SRBD1: variants seen among roughly 807,000 people sequenced by gnomAD.
The protein encoded by SRBD1 is S1 RNA-binding domain-containing protein 1.
A neutral mutation model predicts 115.3 loss-of-function variants in SRBD1; 88 were observed. The ratio of observed to expected loss-of-function variants is 0.76; its 90% confidence interval spans 0.64 to 0.91. The LOEUF (loss-of-function observed/expected upper bound fraction) is 0.91. Ranked by LOEUF, SRBD1 falls within the 40% of genes least tolerant of loss-of-function variation. SRBD1 has a pLI of 0.00. For synonymous variants in SRBD1, 509 were observed against 407.7 expected (o/e 1.25, Z -2.99); for missense variants, 1,385 against 1,177.4 (o/e 1.18, Z -2.58).
At chr2:45,465,108 T>C (rs1183139425) in intron 16 of SRBD1, among the ~76,000 whole-genome samples, 4 of 151,560 alleles carry the variant, frequency 2.6e-5, no homozygotes, top group Non-Finnish European at 5.9e-5. Context: ...CCCAAATCCA[T>C]AGGTACTCAA....
intron 20 of SRBD1, among the ~76,000 whole-genome samples, chr2:45,391,464 C>T (rs1666997930): frequency 6.6e-6 from 1 of 152,020 alleles, no homozygotes; most frequent in South Asian, 2.1e-4. Context: ...AAAATATCAT[C>T]ACGTGGAAAT....
chr2:45,605,294 C>G (rs1246937202), intron 2 of SRBD1, 68 bp downstream of exon 2: 28 of 1,454,798 alleles, frequency 1.9e-5, no homozygotes, highest in Non-Finnish European at 9.4e-7. Flanking sequence ...TAGAAAGTGA[C>G]AGAATGCATT....
At chr2:45,609,640 C>G (rs1261295817) in intron 1 of SRBD1, among the ~76,000 whole-genome samples, 4 of 152,174 alleles carry the variant, frequency 2.6e-5, no homozygotes, top group Non-Finnish European at 4.4e-5. Flanking sequence ...CAGCTCTTGT[C>G]ATAACATTCT....
At chr2:45,456,027 A>C (rs1364847762) in intron 16 of SRBD1, among the ~76,000 whole-genome samples, 1 of 151,880 alleles carries the variant, frequency 6.6e-6, no homozygotes, top group Non-Finnish European at 1.5e-5. Context: ...TCTGTGAACC[A>C]GAAAAAAAAA....
intron 18 of SRBD1, among the ~76,000 whole-genome samples, chr2:45,418,065 G>C (rs1368630017): frequency 1.3e-5 from 2 of 152,206 alleles, no homozygotes; most frequent in African/African-American, 2.4e-5. Flanking sequence ...TCCTAAGACA[G>C]TGTCACATAT....
intron 16 of SRBD1, among the ~76,000 whole-genome samples, chr2:45,451,295 T>C (rs1668984908): frequency 6.6e-6 from 1 of 152,128 alleles, no homozygotes; most frequent in Non-Finnish European, 1.5e-5. Context: ...TTTACAGACA[T>C]AGATGATGGT....
At chr2:45,464,671 T>A (rs966655920) in intron 16 of SRBD1, among the ~76,000 whole-genome samples, 8 of 152,172 alleles carry the variant, frequency 5.3e-5, no homozygotes, top group African/African-American at 1.9e-4. Context: ...CCATTCACTA[T>A]CAACTAAACC....
chr2:45,569,387 C>G (rs904445555), intron 9 of SRBD1: 3 of 152,078 alleles, frequency 2.0e-5, no homozygotes, highest in Non-Finnish European at 4.4e-5. Context: ...ATGTGAACAC[C>G]CAATCGGCAT....
chr2:45,596,609 A>G (rs1673901637), intron 4 of SRBD1, among the ~76,000 whole-genome samples: 1 of 152,166 alleles, frequency 6.6e-6, no homozygotes, highest in Non-Finnish European at 1.5e-5. Context: ...CCTATCCATA[A>G]AGGATTTTTT....
chr2:45,551,741 C>T (rs554192586), intron 11 of SRBD1, among the ~76,000 whole-genome samples: 45 of 151,918 alleles, frequency 3.0e-4, no homozygotes, highest in African/African-American at 1.0e-3. Context: ...AAAGAAACAG[C>T]GAGACAGAAG....
chr2:45,597,679 T>C (rs561835878), intron 4 of SRBD1, among the ~76,000 whole-genome samples: 3 of 152,292 alleles, frequency 2.0e-5, no homozygotes, highest in African/African-American at 7.2e-5. Context: ...TTCAAGTCCT[T>C]TGGGAGACTT....
chr2:45,559,460 T>A (rs1672591295), intron 10 of SRBD1, among the ~76,000 whole-genome samples: 1 of 152,150 alleles, frequency 6.6e-6, no homozygotes, highest in African/African-American at 2.4e-5. Flanking sequence ...TTACTACACT[T>A]TTCCTTCATA....
intron 14 of SRBD1, among the ~76,000 whole-genome samples, chr2:45,543,360 G>T (rs1672007037): frequency 6.6e-6 from 1 of 152,206 alleles, no homozygotes; most frequent in South Asian, 2.1e-4. Flanking sequence ...AATGGGTCAG[G>T]TTTCCTGGGG....
At chr2:45,583,178 A>T (rs1183911043) in intron 5 of SRBD1, among the ~76,000 whole-genome samples, 1 of 151,716 alleles carries the variant, frequency 6.6e-6, no homozygotes, top group African/African-American at 2.4e-5. Context: ...ATTCAAAATG[A>T]TCGATGGAAA....
chr2:45,499,638 T>G (rs550411063), intron 14 of SRBD1, among the ~76,000 whole-genome samples: 1 of 152,316 alleles, frequency 6.6e-6, no homozygotes, highest in Admixed American at 6.5e-5. Flanking sequence ...GGTCTTACAT[T>G]TAAGTCTTTA....
At chr2:45,403,342 T>A (rs1314401441) in intron 19 of SRBD1, among the ~76,000 whole-genome samples, 5 of 147,482 alleles carry the variant, frequency 3.4e-5, no homozygotes, top group African/African-American at 1.2e-4. Context: ...AAAAAAAAAA[T>A]ACATGAATTA....
chr2:45,583,834 T>C (rs1375964580), intron 5 of SRBD1, among the ~76,000 whole-genome samples: 1 of 152,174 alleles, frequency 6.6e-6, no homozygotes, highest in Non-Finnish European at 1.5e-5. Flanking sequence ...CAAGGAATAT[T>C]CACTCCTCTA....
At chr2:45,411,729 A>G (rs1259754040) in intron 19 of SRBD1, among the ~76,000 whole-genome samples, 2 of 152,246 alleles carry the variant, frequency 1.3e-5, no homozygotes, top group Non-Finnish European at 2.9e-5. Context: ...GTAAAGAATT[A>G]TCAAATTGTA....
chr2:45,479,363 G>A (rs548603567), intron 15 of SRBD1, among the ~76,000 whole-genome samples: 1 of 152,270 alleles, frequency 6.6e-6, no homozygotes, highest in South Asian at 2.1e-4. Flanking sequence ...AGGCCTCTTG[G>A]GTCAGTTAGC....
Sources: gnomAD v4.1 joint callset for allele counts (sites outside exome capture counted in the v4.1 genomes callset) on GRCh38, gnomAD v4.1.1 for gene constraint, MANE v1.5 for transcripts, NCBI Gene and HGNC (gene_info 2026-07-23, HGNC 2026-07-21) for gene names.